The following ZFC3H1 variants were observed in gnomAD, a reference collection of about 807,000 sequenced individuals.
ZFC3H1 encodes the protein zinc finger C3H1-type containing.
Under a neutral mutation model 243.7 loss-of-function variants are expected in ZFC3H1, and 71 were observed. That is an observed-to-expected ratio of 0.29 (90% CI 0.24 to 0.36). ZFC3H1 has a LOEUF of 0.36. ZFC3H1 is among the 10% of genes least tolerant of loss of function. The probability of loss-of-function intolerance (pLI) is 1.00; values close to 1 mark genes in which losing one functional copy is unlikely to be tolerated. For synonymous variants in ZFC3H1, 838 were observed against 813.0 expected, an observed-to-expected ratio of 1.03 and a Z score of -0.52; for missense variants, 1,966 against 2,317.1, an observed-to-expected ratio of 0.85 and a Z score of 3.11.
intron 31 of ZFC3H1, among the ~76,000 whole-genome samples, chr12:71,612,689 G>A (rs1404484563): frequency 1.3e-5 from 2 of 152,128 alleles, no homozygotes; most frequent in Non-Finnish European, 1.5e-5. Context: ...AAAACATTAA[G>A]ATACAACTGA....
intron 1 of ZFC3H1, among the ~76,000 whole-genome samples, chr12:71,661,804 A>C (rs1043306295): frequency 1.3e-5 from 2 of 152,180 alleles, no homozygotes; most frequent in African/African-American, 2.4e-5. Context: ...CTCCGAAACA[A>C]TCCTGAAATA....
intron 2 of ZFC3H1, among the ~76,000 whole-genome samples, chr12:71,649,278 T>C (rs780127429): frequency 4.6e-5 from 7 of 152,160 alleles, no homozygotes; most frequent in South Asian, 2.1e-4. Context: ...CCCAAGTTCA[T>C]TGCGTGTGTT....
Position 71,610,355 on chromosome 12 carries a change from G to C in ZFC3H1, c.*73C>G. ...TTACACAGACCTTAGCCAGGGATCA[G>C]CCTAATCTTGAAGAATCATTCAAAT... On this transcript the variant is annotated 3_prime_UTR_variant, in exon 35 of 35. Coordinates refer to ENST00000378743, the MANE Select transcript of ZFC3H1 (RefSeq NM_144982.5). The C allele has an allele frequency of 7.8e-6, 12 of 1,544,736 alleles. No homozygotes were observed. The highest frequency in any genetic ancestry group is 1.1e-5 in the Non-Finnish European group (12 of 1,137,518).
chr12:71,628,004 T>C (rs539651492), intron 20 of ZFC3H1, 70 bp from the exon 21 acceptor site: 34 of 1,448,934 alleles, frequency 2.3e-5, no homozygotes, highest in Admixed American at 6.5e-5. Context: ...AAGAAAACAA[T>C]TGGTCTCATC....
Position 71,629,556 on chromosome 12 carries a change from TACACACACACACACACAC to T in ZFC3H1, c.3826+35_3826+52del, listed in dbSNP as rs35067681. 8.0e-4 allele frequency: 556 copies of T among 691,682 alleles called. 3 individuals carry two copies. In the East Asian group the frequency reaches 0.013, roughly 17 times the overall value. 42.8% of individuals were successfully genotyped at this position (691,682 alleles called of 1,614,324 possible). Reference sequence around the variant, plus strand: ...AAGTCCTTTTCAGAAAGAGATACAGTACACACACACACACACACACACACACACACACACACTTATATA... The same window carrying T: ...AAGTCCTTTTCAGAAAGAGATACAGTACACACACACACACACACTTATATA... On this transcript the variant is annotated intron_variant, in intron 19 of 34. Transcript: ENST00000378743.
At chr12:71,632,777 T>C in intron 14 of ZFC3H1, 109 bp downstream of exon 14, 6 of 1,460,452 alleles carry the variant, frequency 4.1e-6, no homozygotes, top group Non-Finnish European at 3.7e-6. Flanking sequence ...TTAATCTTAA[T>C]CTCTTGGAAT....
chr12:71,644,773 A>C, intron 4 of ZFC3H1, 104 bp downstream of exon 4: 1 of 1,311,710 alleles, frequency 7.6e-7, no homozygotes, highest in Middle Eastern at 2.7e-4. Flanking sequence ...AGCAAAGATC[A>C]TGCCACTGTA....
chr12:71,659,253 GTA>G (rs1881101962), intron 1 of ZFC3H1, among the ~76,000 whole-genome samples: 1 of 152,172 alleles, frequency 6.6e-6, no homozygotes, highest in Middle Eastern at 3.2e-3. Context: ...TGCTGCCAGA[GTA>G]ATCTTTCTAG....
chr12:71,643,991 A>C, intron 5 of ZFC3H1, 104 bp downstream of exon 5: 1 of 1,035,854 alleles, frequency 9.7e-7, no homozygotes, highest in Non-Finnish European at 1.4e-6. Flanking sequence ...CTTTTTTCCA[A>C]GAGTTATTTA....
At chr12:71,662,735 G>A (rs1881218137) in intron 1 of ZFC3H1, among the ~76,000 whole-genome samples, 1 of 152,088 alleles carries the variant, frequency 6.6e-6, no homozygotes. Context: ...AATGAAACTT[G>A]GGCTTCTAAG....
chr12:71,611,751 T>C (rs1879779853), intron 32 of ZFC3H1, 35 bp downstream of exon 32: 2 of 1,415,568 alleles, frequency 1.4e-6, no homozygotes, highest in Non-Finnish European at 2.0e-6. Context: ...ATAAAAGCAA[T>C]AGCTATAAAA....
intron 2 of ZFC3H1, chr12:71,656,520 A>G (rs1178811168): frequency 7.6e-6 from 5 of 661,502 alleles, no homozygotes; most frequent in Non-Finnish European, 1.3e-5. Context: ...AAAATTTCAA[A>G]CCAGGAATAG....
intron 8 of ZFC3H1, 83 bp from the exon 9 acceptor site, chr12:71,636,737 A>G (rs1880472037): frequency 2.6e-6 from 4 of 1,558,140 alleles, no homozygotes; most frequent in Non-Finnish European, 3.5e-6. Flanking sequence ...GCATGTTAGA[A>G]TTATCCCCAC....
chr12:71,611,660 G>GGAA (rs1879773555), intron 32 of ZFC3H1, 126 bp downstream of exon 32: 1 of 106,980 alleles, frequency 9.3e-6, no homozygotes, highest in African/African-American at 3.7e-5. Flanking sequence ...ATCTGTCCAG[G>GGAA]AAAAAAAAAA....
intron 6 of ZFC3H1, among the ~76,000 whole-genome samples, chr12:71,641,391 G>A (rs575857085): frequency 6.6e-6 from 1 of 152,140 alleles, no homozygotes. Flanking sequence ...ACCAAAGTAG[G>A]ATTCCAGTTT....
Position 71,632,748 on chromosome 12 carries a change from G to T in ZFC3H1, c.2817+138C>A, listed in dbSNP as rs183028816. 13 of 1,346,658 alleles carry T rather than the reference G, an allele frequency of 9.7e-6. No homozygotes were observed. The East Asian group carries it at 3.0e-4, about 31-fold the overall frequency. 83.4% of individuals were successfully genotyped at this position (1,346,658 alleles called of 1,614,324 possible). A position where few individuals can be genotyped will look rare whatever the true frequency, so the allele number is the denominator to read the frequency against. On this transcript the variant is annotated intron_variant, in intron 14 of 34. Coordinates refer to ENST00000378743, the MANE Select transcript of ZFC3H1 (RefSeq NM_144982.5). ...AAAGTAGACATCCAAAAATGTGGAT[G>T]TCATTTAAAAACAAAGCTTTAATCT...
chr12:71,621,351 T>C (rs1353349078), intron 24 of ZFC3H1, among the ~76,000 whole-genome samples: 2 of 151,710 alleles, frequency 1.3e-5, no homozygotes, highest in East Asian at 1.9e-4. Flanking sequence ...TTGCCCAGGC[T>C]GGAGTGCAGT....
chr12:71,629,757 G>A (rs764117636), intron 18 of ZFC3H1, 47 bp from the exon 19 acceptor site: 2 of 1,190,900 alleles, frequency 1.7e-6, no homozygotes, highest in Non-Finnish European at 2.5e-6. Context: ...CAATTACAGA[G>A]ACTAGGATAA....
chr12:71,636,998 G>C lies in ZFC3H1; in HGVS notation c.1787C>G (p.Pro596Arg). 1 of 1,614,012 alleles carries C rather than the reference G, an allele frequency of 6.2e-7. No homozygotes were observed. The highest frequency in any genetic ancestry group is 8.5e-7 in the Non-Finnish European group (1 of 1,179,950). Residue 596 changes from proline to arginine, a missense_variant, in exon 8 of 35, where the codon CCT (proline) becomes CGT (arginine). Coordinates refer to ENST00000378743, the MANE Select transcript of ZFC3H1 (RefSeq NM_144982.5). ...GAGAGGTGGTAATGGTGGTAGAGGAGGTAGAGGTTCAAGAGAAACACACAA... is the reference window on the plus strand; with the variant it reads ...GAGAGGTGGTAATGGTGGTAGAGGACGTAGAGGTTCAAGAGAAACACACAA... ...EGLCVSLEPLPPLPPLPPLPP... is the reference protein window; with the variant it reads ...EGLCVSLEPLRPLPPLPPLPP...
Sources: gnomAD v4.1 joint callset for allele counts (sites outside exome capture counted in the v4.1 genomes callset) on GRCh38, gnomAD v4.1.1 for gene constraint, MANE v1.5 for transcripts, NCBI Gene and HGNC (gene_info 2026-07-23, HGNC 2026-07-21) for gene names.